Variants in RBM12B observed in about 807,000 individuals in gnomAD.
The protein encoded by RBM12B is RNA binding motif protein 12B.
A neutral mutation model predicts 34.3 loss-of-function variants in RBM12B; 10 were observed. That is an observed-to-expected ratio of 0.29 (90% CI 0.18 to 0.49). RBM12B has a LOEUF of 0.49. Among genes scored for constraint, RBM12B ranks in the 20% least tolerant of loss-of-function variants. The pLI is 0.99. For missense variants in RBM12B, 1,139 were observed against 1,262.7 expected, an observed-to-expected ratio of 0.90 and a Z score of 1.48; for synonymous variants, 477 against 437.1, an observed-to-expected ratio of 1.09 and a Z score of -1.14.
Position 93,730,151 on chromosome 8 carries a change from G to A in RBM12B, c.*3254C>T, listed in dbSNP as rs1274323546. On this transcript the variant is annotated 3_prime_UTR_variant, in exon 4 of 4. Transcript: ENST00000520560. ...TGTAGTACATTTACTAGGATTATCA[G>A]AATTAAATGATAGTTAATTCATACA... The A allele has an allele frequency of 1.3e-5, 2 of 152,104 alleles. No homozygotes were observed. The highest frequency in any genetic ancestry group is 1.3e-4 in the Admixed American group (2 of 15,276). The allele number at this position is 152,104 out of a possible 1,614,324, so 9.4% of individuals were successfully genotyped here.
intron 2 of RBM12B, among the ~76,000 whole-genome samples, chr8:93,739,760 G>T (rs1812135126): frequency 6.6e-6 from 1 of 152,168 alleles, no homozygotes; most frequent in Non-Finnish European, 1.5e-5. Context: ...AAATTTCTAT[G>T]AAAAGAAGAG....
Position 93,735,439 on chromosome 8 carries a change from T to G in RBM12B, c.972A>C (p.Thr324=). Residue 324 remains threonine, a synonymous_variant, in exon 4 of 4, where the codon ACA becomes ACC. Transcript: ENST00000520560. Reference sequence around the variant, plus strand: ...TCTTGAACATCACAAAGGCATATCTTGTTCTATTTTCATCTTTATATAAAA... The same window carrying G: ...TCTTGAACATCACAAAGGCATATCTGGTTCTATTTTCATCTTTATATAAAA... ...IRFLYKDENR[T]RYAFVMFKTL... 1 of 1,613,572 alleles carries G rather than the reference T, an allele frequency of 6.2e-7. No homozygotes were observed. Among genetic ancestry groups the G allele is most frequent in the Non-Finnish European group, 8.5e-7 (1 of 1,179,802 alleles).
chr8:93,735,828 C>T lies in RBM12B; in HGVS notation c.583G>A (p.Gly195Ser). Reference protein sequence around the residue: ...FLKHHDGRNNGDAIVKFASCV... With the variant: ...FLKHHDGRNNSDAIVKFASCV... ...GAAGCAAATTTTACTATGGCATCAC[C>T]ATTATTTCGGCCATCATGATGTTTT... Residue 195 changes from glycine to serine, a missense_variant, in exon 4 of 4, where the codon GGT becomes AGT. By Grantham distance (56) the Gly-to-Ser change is moderately conservative (BLOSUM62 0). This residue lies in a region of RBM12B where 216 missense variants were observed against 292.2 expected (regional missense o/e 0.74). Coordinates refer to ENST00000520560, the MANE Select transcript of RBM12B (RefSeq NM_001377960.1). 1.2e-6 allele frequency: 2 copies of T among 1,614,070 alleles called. No homozygotes were observed. Among genetic ancestry groups the T allele is most frequent in the Non-Finnish European group, 1.7e-6 (2 of 1,180,028 alleles).
chr8:93,733,724 A>T lies in RBM12B; in HGVS notation c.2687T>A (p.Phe896Tyr). ...TCCCATATTATGCTTTCCAAAATCA[A>T]ACTTGCCACCTTCTGGGCGACCAAA... is the stretch of plus-strand genomic sequence containing the variant. ...VNFGRPEGGK[F>Y]DFGKHNMGSF... Residue 896 changes from phenylalanine to tyrosine, a missense_variant, in exon 4 of 4, where the codon TTT (phenylalanine) becomes TAT (tyrosine). Phe to Tyr is a conservative substitution (Grantham distance 22). Transcript: ENST00000520560. 6.2e-7 allele frequency: 1 copy of T among 1,614,100 alleles called. No individual in the cohort carries two copies.
Position 93,733,260 on chromosome 8 carries a change from T to C in RBM12B, c.*145A>G. On this transcript the variant is annotated 3_prime_UTR_variant, in exon 4 of 4. Coordinates refer to ENST00000520560, the MANE Select transcript of RBM12B (RefSeq NM_001377960.1). ...AAGCAAAAGAAAACCAGATTCACAT[T>C]CTACTATTTACATTTGTTCTATTCA... is the stretch of plus-strand genomic sequence containing the variant. 1 of 534,296 alleles carries C rather than the reference T, an allele frequency of 1.9e-6. No individual in the cohort carries two copies. The highest frequency in any genetic ancestry group is 4.2e-5 in the Admixed American group (1 of 23,816). The allele number at this position is 534,296 out of a possible 1,614,324, so 33.1% of individuals were successfully genotyped here. A position where few individuals can be genotyped will look rare whatever the true frequency, so the allele number is the denominator to read the frequency against.
Position 93,729,016 on chromosome 8 carries a change from A to G in RBM12B, c.*4389T>C, listed in dbSNP as rs551865383. On this transcript the variant is annotated 3_prime_UTR_variant, in exon 4 of 4. Coordinates refer to ENST00000520560, the MANE Select transcript of RBM12B (RefSeq NM_001377960.1). ...CCATAGATCATTAAAAATTCTATAA[A>G]AATTTTACCAAGCTACCATATAGTT... The G allele has an allele frequency of 6.6e-6, 1 of 152,206 alleles. No individual in the cohort carries two copies. The highest frequency in any genetic ancestry group is 1.9e-4 in the East Asian group (1 of 5,176). 9.4% of individuals were successfully genotyped at this position (152,206 alleles called of 1,614,324 possible). A position where few individuals can be genotyped will look rare whatever the true frequency, so the allele number is the denominator to read the frequency against.
At position 93,734,244 on chromosome 8, in the gene RBM12B, A is replaced by G; in HGVS notation, c.2167T>C (p.Phe723Leu). The change falls in exon 4 of 4, where the codon TTC becomes CTC. Residue 723 changes from phenylalanine to leucine, a missense_variant. Physicochemically the swap from Phe to Leu is conservative, Grantham distance 22. Around this residue, in one of 3 missense-constraint regions of RBM12B, gnomAD observed 863 missense variants for 869.5 expected, o/e 0.99. Coordinates refer to ENST00000520560, the MANE Select transcript of RBM12B (RefSeq NM_001377960.1). Reference protein sequence around the residue: ...EDFRQSPQEHFRRPPQEHFRR... With the variant: ...EDFRQSPQEHLRRPPQEHFRR... ...AAATGCTCCTGAGGTGGCCTCCGGA[A>G]ATGCTCCTGGGGTGACTGCCTGAAG... 6.2e-7 allele frequency: 1 copy of G among 1,608,960 alleles called. No homozygotes were observed. Among genetic ancestry groups the G allele is most frequent in the Non-Finnish European group, 8.5e-7 (1 of 1,177,676 alleles).
Position 93,728,331 on chromosome 8 carries a change from G to C in RBM12B, c.*5074C>G, listed in dbSNP as rs750633969. 1 of 1,372,460 alleles carries C rather than the reference G, an allele frequency of 7.3e-7. No individual in the cohort carries two copies. The highest frequency in any genetic ancestry group is 2.0e-5 in the Admixed American group (1 of 50,656). The allele number at this position is 1,372,460 out of a possible 1,614,324, so 85.0% of individuals were successfully genotyped here. A position where few individuals can be genotyped will look rare whatever the true frequency, so the allele number is the denominator to read the frequency against. ...TTTCCATTTTCATCATAAATGACTT[G>C]AAATCCACAATGACTAAATTGTAGA... On this transcript the variant is annotated 3_prime_UTR_variant, in exon 4 of 4. Transcript: ENST00000520560.
At position 93,735,312 on chromosome 8, in the gene RBM12B, T is replaced by G; in HGVS notation, c.1099A>C (p.Ile367Leu). 6.2e-7 allele frequency: 1 copy of G among 1,614,076 alleles called. No homozygotes were observed. The highest frequency in any genetic ancestry group is 8.5e-7 in the Non-Finnish European group (1 of 1,180,028). ...GATCTCTTCTTTTCATAACGTGCAA[T>G]GAACTTCAGCATTTGTTTTCTAGAA... ...PISRKQMLKFIARYEKKRSGS... is the reference protein window; with the variant it reads ...PISRKQMLKFLARYEKKRSGS... Residue 367 changes from isoleucine (I) to leucine (L), a missense_variant, in exon 4 of 4, where the codon ATT becomes CTT. Transcript: ENST00000520560.
In RBM12B at chr8:93,733,684, C is replaced by A. The variant is rs767331122; in HGVS notation, c.2727G>T (p.Gly909=). 2 of 1,613,978 alleles carry A rather than the reference C, an allele frequency of 1.2e-6. No homozygotes were observed. Among genetic ancestry groups the A allele is most frequent in the Non-Finnish European group, 8.5e-7 (1 of 1,180,020 alleles). ...TTATTTTTGGATCAGGCATAAATCT[C>A]CCCTCAGGAAAACTTCCCATATTAT... ...GKHNMGSFPE[G]RFMPDPKINC... Residue 909 remains glycine, a synonymous_variant, in exon 4 of 4, where the codon GGG becomes GGT. Transcript: ENST00000520560.
At position 93,734,897 on chromosome 8, in the gene RBM12B, CCTCGCTCACGTGACT is replaced by C. The variant is rs576822517; in HGVS notation, c.1499_1513del (p.Gln500_Gly505delinsArg). 1 of 1,614,076 alleles carries C rather than the reference CCTCGCTCACGTGACT, an allele frequency of 6.2e-7. No individual in the cohort carries two copies. The highest frequency in any genetic ancestry group is 1.7e-5 in the Admixed American group (1 of 60,026). On this transcript the variant is annotated inframe_deletion, in exon 4 of 4. Coordinates refer to ENST00000520560, the MANE Select transcript of RBM12B (RefSeq NM_001377960.1). ...TGAGTCAAATAAATGGGAATGGTCACCTCGCTCACGTGACTGTGAGCGAGCTTGCATTTTTTCACT... is the reference window on the plus strand; with the variant it reads ...TGAGTCAAATAAATGGGAATGGTCACGTGAGCGAGCTTGCATTTTTTCACT...
chr8:93,739,879 T>C (rs188467149), intron 2 of RBM12B, among the ~76,000 whole-genome samples: 10 of 152,248 alleles, frequency 6.6e-5, no homozygotes, highest in African/African-American at 2.4e-4. Context: ...AACTAAACAA[T>C]ACGTAACGTG....
In RBM12B at chr8:93,734,871, T is replaced by C. The variant is rs747265896; in HGVS notation, c.1540A>G (p.Lys514Glu). The C allele has an allele frequency of 1.9e-6, 3 of 1,614,198 alleles. No individual in the cohort carries two copies. Among genetic ancestry groups the C allele is most frequent in the South Asian group, 1.1e-5 (1 of 91,084 alleles). Residue 514 changes from lysine to glutamate, a missense_variant, in exon 4 of 4, where the codon AAA becomes GAA. By Grantham distance (56) the Lys-to-Glu change is moderately conservative. Coordinates refer to ENST00000520560, the MANE Select transcript of RBM12B (RefSeq NM_001377960.1). ...RGDHSHLFDS[K>E]DPPIYSVGAF... ...CCAACTGAGTATATTGGTGGGTCTT[T>C]TGAGTCAAATAAATGGGAATGGTCA...
chr8:93,734,624 C>G lies in RBM12B; in HGVS notation c.1787G>C (p.Arg596Thr), dbSNP rs1019236358. The G allele has an allele frequency of 1.2e-6, 2 of 1,613,538 alleles. No homozygotes were observed. Among genetic ancestry groups the G allele is most frequent in the African/African-American group, 2.7e-5 (2 of 74,786 alleles). ...DFRRPSEEDF[R>T]RPWEEDFRRP... ...CCTGAAATCTTCCTCCCAAGGGCGC[C>G]TGAAGTCCTCCTCAGAAGGCCGCCT... Residue 596 changes from arginine (R) to threonine (T), a missense_variant, in exon 4 of 4, where the codon AGG becomes ACG. By Grantham distance (71) the Arg-to-Thr change is moderately conservative. Transcript: ENST00000520560.
In RBM12B at chr8:93,733,767, G is replaced by C; in HGVS notation, c.2644C>G (p.His882Asp). The C allele has an allele frequency of 6.2e-7, 1 of 1,614,166 alleles. No homozygotes were observed. The highest frequency in any genetic ancestry group is 8.5e-7 in the Non-Finnish European group (1 of 1,180,030). ...FRSPPDDFRS[H>D]RPFVNFGRPE... ...CGACCAAAATTCACAAAAGGGCGGT[G>C]ACTTCTAAAATCATCAGGCGGGCTC... The change falls in exon 4 of 4, where the codon CAC (histidine) becomes GAC (aspartate). Residue 882 changes from histidine to aspartate, a missense_variant. His to Asp is a moderately conservative substitution (Grantham distance 81). Coordinates refer to ENST00000520560, the MANE Select transcript of RBM12B (RefSeq NM_001377960.1).
rs1362397094 is a variant in RBM12B at position 93,731,707 on chromosome 8, T to C, written c.*1698A>G. ...TCTAAATTACCATATGTAAATTTAA[T>C]TGTATTATTTACTCAATGGGGAAAA... On this transcript the variant is annotated 3_prime_UTR_variant, in exon 4 of 4. Coordinates refer to ENST00000520560, the MANE Select transcript of RBM12B (RefSeq NM_001377960.1). 1 of 152,510 alleles carries C rather than the reference T, an allele frequency of 6.6e-6. No homozygotes were observed. The highest frequency in any genetic ancestry group is 1.5e-5 in the Non-Finnish European group (1 of 68,032). The allele number at this position is 152,510 out of a possible 1,614,324, so 9.4% of individuals were successfully genotyped here.
intron 3 of RBM12B, 60 bp from the exon 4 acceptor site, chr8:93,736,498 C>A (rs1349433836): frequency 1.5e-6 from 2 of 1,332,306 alleles, no homozygotes; most frequent in Non-Finnish European, 2.0e-6. Context: ...TTAGCCCAAA[C>A]TAAGCTTAAT....
rs1346314984 is a variant in RBM12B, at chr8:93,740,611, G to A, written c.-78+18C>T. 3.8e-5 allele frequency: 16 copies of A among 423,274 alleles called. No homozygotes were observed. The highest frequency in any genetic ancestry group is 1.4e-4 in the Admixed American group (5 of 36,022). The allele number at this position is 423,274 out of a possible 1,614,324, so 26.2% of individuals were successfully genotyped here. On this transcript the variant is annotated intron_variant, in intron 2 of 3. Coordinates refer to ENST00000520560, the MANE Select transcript of RBM12B (RefSeq NM_001377960.1). ...TGCCACCACTGACTACGATGACATAGCAAAGAAAAAAATATACCTATGAAA... is the reference window on the plus strand; with the variant it reads ...TGCCACCACTGACTACGATGACATAACAAAGAAAAAAATATACCTATGAAA...
At position 93,735,917 on chromosome 8, in the gene RBM12B, A is replaced by C; in HGVS notation, c.494T>G (p.Leu165Arg). Residue 165 changes from leucine to arginine, a missense_variant, in exon 4 of 4, where the codon CTA (leucine) becomes CGA (arginine). Transcript: ENST00000520560. ...GACACGTACATCATCTTCATTTACT[A>C]GGTAAGGCAAACCTCGTAGAAACAA... is the stretch of plus-strand genomic sequence containing the variant. ...PYLFLRGLPY[L>R]VNEDDVRVFF... The C allele has an allele frequency of 6.2e-7, 1 of 1,614,202 alleles. No individual in the cohort carries two copies. The highest frequency in any genetic ancestry group is 8.5e-7 in the Non-Finnish European group (1 of 1,180,050).
Sources: gnomAD v4.1 joint callset for allele counts (sites outside exome capture counted in the v4.1 genomes callset) on GRCh38, gnomAD v4.1.1 for gene constraint, gnomAD v4.1.1 regional missense constraint, MANE v1.5 for transcripts, NCBI Gene and HGNC (gene_info 2026-07-23, HGNC 2026-07-21) for gene names.